The following PKHD1 variants were observed in gnomAD, a reference collection of about 807,000 sequenced individuals.
PKHD1 encodes the protein PKHD1 ciliary IPT domain containing fibrocystin/polyductin.
A neutral mutation model predicts 412.0 loss-of-function variants in PKHD1; 291 were observed. The observed-to-expected ratio is 0.71, with a 90% CI of 0.64 to 0.78. PKHD1 has a LOEUF of 0.78. Ranked by LOEUF, PKHD1 falls within the 30% of genes least tolerant of loss-of-function variation. The probability of loss-of-function intolerance (pLI) is 0.00; values close to 1 mark genes in which losing one functional copy is unlikely to be tolerated. For synonymous variants in PKHD1, 1,777 were observed against 1,821.5 expected (o/e 0.98, Z 0.62); for missense variants, 4,825 against 4,950.7 (o/e 0.97, Z 0.76).
At chr6:51,821,951 T>G (rs1420086909) in intron 52 of PKHD1, among the ~76,000 whole-genome samples, 1 of 152,188 alleles carries the variant, frequency 6.6e-6, no homozygotes, top group African/African-American at 2.4e-5. Flanking sequence ...ACTCCCAAAG[T>G]GCTGGGATTA....
chr6:51,848,128 G>A (rs1293179469), intron 49 of PKHD1, among the ~76,000 whole-genome samples, 158 bp from the exon 50 acceptor site: 1 of 152,148 alleles, frequency 6.6e-6, no homozygotes, highest in African/African-American at 2.4e-5. Flanking sequence ...TTTCTTGTGG[G>A]AAATGGGAAT....
chr6:52,078,299 T>C (rs975124110), intron 5 of PKHD1, among the ~76,000 whole-genome samples: 15 of 152,028 alleles, frequency 9.9e-5, no homozygotes, highest in African/African-American at 3.4e-4. Flanking sequence ...AGTGAAAAAT[T>C]AATGAGCTTC....
intron 33 of PKHD1, among the ~76,000 whole-genome samples, chr6:52,020,164 C>T (rs979689169): frequency 6.6e-6 from 1 of 151,904 alleles, no homozygotes; most frequent in Non-Finnish European, 1.5e-5. Flanking sequence ...AACAAAAGAA[C>T]AAATGAAAAG....
At chr6:51,889,355 T>C (rs1778745495) in intron 43 of PKHD1, among the ~76,000 whole-genome samples, 1 of 152,160 alleles carries the variant, frequency 6.6e-6, no homozygotes, top group African/African-American at 2.4e-5. Flanking sequence ...TGCAGCCCTC[T>C]ATGCAGGGCT....
intron 35 of PKHD1, among the ~76,000 whole-genome samples, chr6:51,985,999 T>C (rs560255780): frequency 1.8e-4 from 28 of 152,316 alleles, no homozygotes; most frequent in Non-Finnish European, 1.5e-5. Context: ...ATGGTACCGG[T>C]CATATTAACA....
chr6:51,746,958 C>A, intron 58 of PKHD1, 69 bp from the exon 59 acceptor site: 5 of 927,222 alleles, frequency 5.4e-6, no homozygotes, highest in African/African-American at 1.6e-5. Context: ...ATCGAATATA[C>A]AACTAAATAT....
In PKHD1 at chr6:52,048,579, C is replaced by A; in HGVS notation, c.2320G>T (p.Val774Phe). The change falls in exon 23 of 67, where the codon GTC becomes TTC. Residue 774 changes from valine (V) to phenylalanine (F), a missense_variant. Coordinates refer to ENST00000371117, the MANE Select transcript of PKHD1 (RefSeq NM_138694.4). ...TGTCGTCTCTGTGTCGTCACCAGGA[C>A]CAGTCCAGATCCCTCTTCTGTTCCT... ...TEGTEEGSGL[V>F]LVTTQRRQRT... The A allele has an allele frequency of 1.9e-6, 3 of 1,614,136 alleles. No individual in the cohort carries two copies. Among genetic ancestry groups the A allele is most frequent in the Non-Finnish European group, 2.5e-6 (3 of 1,179,978 alleles).
chr6:52,023,045 T>C, intron 32 of PKHD1, 101 bp from the exon 33 acceptor site: 1 of 1,355,124 alleles, frequency 7.4e-7, no homozygotes, highest in Middle Eastern at 1.8e-4. Context: ...CCATTCTTCT[T>C]TTCACATCCT....
At chr6:52,078,936 A>T (rs1197077549) in intron 5 of PKHD1, among the ~76,000 whole-genome samples, 1 of 152,256 alleles carries the variant, frequency 6.6e-6, no homozygotes, top group Non-Finnish European at 1.5e-5. Context: ...TAAACCTGAA[A>T]CAACAGCAAA....
At chr6:51,854,224 G>A (rs775298102) in intron 49 of PKHD1, among the ~76,000 whole-genome samples, 10 of 151,894 alleles carry the variant, frequency 6.6e-5, no homozygotes, top group African/African-American at 1.2e-4. Context: ...GTTCACTTCA[G>A]GCCCTATTCA....
At chr6:51,813,287 TA>T (rs1306496999) in intron 52 of PKHD1, among the ~76,000 whole-genome samples, 2 of 152,188 alleles carry the variant, frequency 1.3e-5, no homozygotes, top group African/African-American at 2.4e-5. Flanking sequence ...ACCATATTTA[TA>T]AAGCTTTAGT....
intron 48 of PKHD1, among the ~76,000 whole-genome samples, chr6:51,863,251 G>GTATA (rs3062526): frequency 6.6e-6 from 1 of 151,772 alleles, no homozygotes; most frequent in Non-Finnish European, 1.5e-5. Flanking sequence ...AACATGTACT[G>GTATA]TATATATGTC....
chr6:51,976,873 G>A (rs1412352780), intron 35 of PKHD1, among the ~76,000 whole-genome samples: 5 of 150,870 alleles, frequency 3.3e-5, no homozygotes, highest in Non-Finnish European at 7.4e-5. Flanking sequence ...ACTTGAACCC[G>A]GGAGGCGGAG....
At position 51,650,767 on chromosome 6, in the gene PKHD1, T is replaced by C. The variant is rs763208280; in HGVS notation, c.11175-1547A>G. Among the ~76,000 whole-genome samples the C allele has an allele frequency of 5.2e-4, 79 of 152,222 alleles. No homozygotes were observed. In the Middle Eastern group the frequency reaches 0.01, roughly 20 times the overall value. On this transcript the variant is annotated intron_variant, in intron 61 of 66. Transcript: ENST00000371117. ...TTTAGTCATCTACCAGCTAAGACCC[T>C]GGCTTTTTGGCTGGAATCACTCCCT... is the stretch of plus-strand genomic sequence containing the variant.
intron 49 of PKHD1, among the ~76,000 whole-genome samples, chr6:51,853,813 C>A (rs1365453848): frequency 2.0e-5 from 3 of 151,240 alleles, no homozygotes; most frequent in Non-Finnish European, 4.4e-5. Context: ...GTTAGCAATT[C>A]CTCTAACTTT....
chr6:51,648,333 T>C (rs145576251), intron 62 of PKHD1, among the ~76,000 whole-genome samples: 2 of 152,276 alleles, frequency 1.3e-5, no homozygotes, highest in African/African-American at 4.8e-5. Context: ...GCAAGACAAG[T>C]TGGGGCAGGA....
chr6:51,939,485 C>T (rs1435267215), intron 36 of PKHD1, among the ~76,000 whole-genome samples: 5 of 151,620 alleles, frequency 3.3e-5, no homozygotes, highest in African/African-American at 1.2e-4. Flanking sequence ...TCACACCTGA[C>T]CTAAACCTAA....
chr6:51,788,102 T>C (rs1304397234), intron 53 of PKHD1, among the ~76,000 whole-genome samples: 2 of 152,080 alleles, frequency 1.3e-5, no homozygotes, highest in Admixed American at 6.5e-5. Flanking sequence ...TGCCCTTAGA[T>C]TCCCTCAAAA....
At chr6:51,946,467 T>A (rs1281647339) in intron 36 of PKHD1, among the ~76,000 whole-genome samples, 1 of 152,222 alleles carries the variant, frequency 6.6e-6, no homozygotes, top group Non-Finnish European at 1.5e-5. Context: ...GCACCAAGAT[T>A]TTCATCCTCA....
Sources: gnomAD v4.1 joint callset for allele counts (sites outside exome capture counted in the v4.1 genomes callset) on GRCh38, gnomAD v4.1.1 for gene constraint, MANE v1.5 for transcripts, NCBI Gene and HGNC (gene_info 2026-07-23, HGNC 2026-07-21) for gene names.